CIB4: variants seen among roughly 807,000 people sequenced by gnomAD.
The protein encoded by CIB4 is calcium and integrin binding family member 4.
A neutral mutation model predicts 25.8 loss-of-function variants in CIB4; 25 were observed. That is an observed-to-expected ratio of 0.97 (90% CI 0.71 to 1.35). CIB4 has a LOEUF of 1.35. Ranked by LOEUF, CIB4 falls within the 40% of genes most tolerant of loss-of-function variation. CIB4 has a pLI of 0.00. For synonymous variants in CIB4, 75 were observed against 81.4 expected, an observed-to-expected ratio of 0.92 and a Z score of 0.42; for missense variants, 235 against 228.2, an observed-to-expected ratio of 1.03 and a Z score of -0.19.
intron 3 of CIB4, among the ~76,000 whole-genome samples, chr2:26,619,661 C>A (rs2148216611): frequency 6.6e-6 from 1 of 152,336 alleles, no homozygotes. Context: ...ACACAGGAAA[C>A]AGACAAGCAA....
intron 3 of CIB4, among the ~76,000 whole-genome samples, chr2:26,605,899 G>A (rs960629502): frequency 5.3e-5 from 8 of 152,098 alleles, no homozygotes; most frequent in Non-Finnish European, 1.2e-4. Context: ...TGACTCCATC[G>A]AGCATTTAAT....
intron 3 of CIB4, among the ~76,000 whole-genome samples, chr2:26,628,797 T>C (rs148335714): frequency 0.012 from 1,861 of 152,170 alleles, 46 homozygotes; most frequent in African/African-American, 0.043. Context: ...CCCCAGTCCA[T>C]TGAGGCAGCC....
intron 4 of CIB4, among the ~76,000 whole-genome samples, chr2:26,585,128 G>C (rs1239011566): frequency 6.6e-6 from 1 of 152,160 alleles, no homozygotes; most frequent in Admixed American, 6.5e-5. Context: ...TTATCCCTCA[G>C]GGCTGCCTAA....
intron 3 of CIB4, among the ~76,000 whole-genome samples, chr2:26,611,589 G>A (rs1456734891): frequency 6.6e-6 from 1 of 152,046 alleles, no homozygotes; most frequent in East Asian, 1.9e-4. Context: ...TTCTTGGAGT[G>A]GACAGTTCTA....
At chr2:26,633,911 T>G (rs1395808176) in intron 2 of CIB4, among the ~76,000 whole-genome samples, 1 of 152,166 alleles carries the variant, frequency 6.6e-6, no homozygotes, top group African/African-American at 2.4e-5. Context: ...TTCCCTTCTG[T>G]GAAATTAGAG....
rs147066936 is a variant in CIB4 at position 26,632,321 on chromosome 2, G to T, written c.90-2815C>A. On this transcript the variant is annotated intron_variant, in intron 2 of 6. Coordinates refer to ENST00000288861, the MANE Select transcript of CIB4 (RefSeq NM_001029881.3). ...TCACTAGGGTCTAGAGACTGCACAC[G>T]TTTGGGAGGGAGCAGAAAGCAGAGT... Among the ~76,000 whole-genome samples, 236 of 152,346 alleles carry T rather than the reference G, an allele frequency of 1.5e-3. 1 individual carries two copies. Among genetic ancestry groups the T allele is most frequent in the Non-Finnish European group, 3.0e-3 (202 of 68,034 alleles).
At chr2:26,639,236 G>C (rs1336352301) in intron 2 of CIB4, among the ~76,000 whole-genome samples, 1 of 149,888 alleles carries the variant, frequency 6.7e-6, no homozygotes, top group Admixed American at 6.7e-5. Flanking sequence ...TGGGATACAT[G>C]TGCAGAACAT....
intron 2 of CIB4, among the ~76,000 whole-genome samples, chr2:26,640,143 T>A (rs1669608747): frequency 6.6e-6 from 1 of 152,090 alleles, no homozygotes; most frequent in Non-Finnish European, 1.5e-5. Context: ...GAGGGAAGTC[T>A]GGGCTTCAGT....
intron 3 of CIB4, chr2:26,623,552 G>A (rs1472701810): frequency 2.1e-6 from 1 of 471,406 alleles, no homozygotes; most frequent in Non-Finnish European, 4.4e-6. Flanking sequence ...GAAAACTTTG[G>A]GAGATACATA....
chr2:26,582,087 C>T (rs1668356849), intron 6 of CIB4, among the ~76,000 whole-genome samples: 1 of 152,228 alleles, frequency 6.6e-6, no homozygotes, highest in South Asian at 2.1e-4. Context: ...CAGCCCCGGG[C>T]TCCTGCCCTG....
At chr2:26,592,548 C>T (rs906357425) in intron 4 of CIB4, among the ~76,000 whole-genome samples, 4 of 152,002 alleles carry the variant, frequency 2.6e-5, no homozygotes, top group South Asian at 2.1e-4. Flanking sequence ...TTTTCTGCAC[C>T]GGTCACTCTC....
chr2:26,610,775 A>T (rs1243266816), intron 3 of CIB4, among the ~76,000 whole-genome samples: 2 of 152,172 alleles, frequency 1.3e-5, no homozygotes, highest in African/African-American at 4.8e-5. Context: ...ACAAGAAACC[A>T]AGCAGTCAAT....
intron 3 of CIB4, among the ~76,000 whole-genome samples, chr2:26,598,120 C>T (rs1280159091): frequency 6.6e-6 from 1 of 151,736 alleles, no homozygotes; most frequent in African/African-American, 2.4e-5. Context: ...GCCAACATGA[C>T]GAAACCCCAT....
chr2:26,624,856 T>G (rs2586888), intron 3 of CIB4, among the ~76,000 whole-genome samples: 1 of 149,590 alleles, frequency 6.7e-6, no homozygotes, highest in African/African-American at 2.5e-5. Context: ...ATATATATAT[T>G]TTTTTTATAT....
rs550888319 is a variant in CIB4, at chr2:26,607,265, C to T, written c.187-11948G>A. On this transcript the variant is annotated intron_variant, in intron 3 of 6. Coordinates refer to ENST00000288861, the MANE Select transcript of CIB4 (RefSeq NM_001029881.3). ...TCTTATTTGACATCTACAAGATTTT[C>T]CCATCTTGCAGCTTTTGACTATATT... 1.3e-3 allele frequency among the ~76,000 whole-genome samples: 191 copies of T among 152,286 alleles called. 1 individual carries two copies. Among genetic ancestry groups the T allele is most frequent in the African/African-American group, 4.4e-3 (184 of 41,548 alleles).
intron 4 of CIB4, among the ~76,000 whole-genome samples, chr2:26,584,433 G>A (rs892601575): frequency 7.9e-5 from 12 of 152,196 alleles, no homozygotes; most frequent in African/African-American, 1.2e-4. Context: ...CTCCTGTCCC[G>A]ATGTGGTAGC....
chr2:26,582,307 C>G (rs1246289658), intron 6 of CIB4, among the ~76,000 whole-genome samples: 1 of 152,224 alleles, frequency 6.6e-6, no homozygotes. Flanking sequence ...CCCAAAAAGA[C>G]TTCAACGTGG....
chr2:26,627,960 C>G lies in CIB4; in HGVS notation c.186+1450G>C, dbSNP rs546768897. 6.6e-6 allele frequency among the ~76,000 whole-genome samples: 1 copy of G among 152,290 alleles called. No homozygotes were observed. Among genetic ancestry groups the G allele is most frequent in the African/African-American group, 2.4e-5 (1 of 41,556 alleles). ...CTTCCTCAGGAGCCAGCCTCCTCCT[C>G]CCTGGTATCCCCAGGCCTCTTCCAA... On this transcript the variant is annotated intron_variant, in intron 3 of 6. Transcript: ENST00000288861. The surrounding 1 kb of genome is among the most constrained non-coding windows in gnomAD (Gnocchi z 4.0).
At chr2:26,632,574 T>C (rs944962142) in intron 2 of CIB4, among the ~76,000 whole-genome samples, 1 of 151,946 alleles carries the variant, frequency 6.6e-6, no homozygotes, top group East Asian at 1.9e-4. Flanking sequence ...CTGGCCAACA[T>C]GGTGAAACAC....
Sources: gnomAD v4.1 joint callset for allele counts (sites outside exome capture counted in the v4.1 genomes callset) on GRCh38, gnomAD v4.1.1 for gene constraint, Gnocchi (gnomAD v3.1) non-coding constraint, MANE v1.5 for transcripts, NCBI Gene and HGNC (gene_info 2026-07-23, HGNC 2026-07-21) for gene names.